The following TEK variants were observed in gnomAD, a reference collection of about 807,000 sequenced individuals.
The protein encoded by TEK is angiopoietin-1 receptor.
TEK carries 43 observed loss-of-function variants against 131.8 expected under a neutral mutation model. The ratio of observed to expected loss-of-function variants is 0.33; its 90% CI spans 0.26 to 0.42. The LOEUF (loss-of-function observed/expected upper bound fraction) is 0.42. TEK is among the 10% of genes least tolerant of loss of function. The pLI is 1.00. For missense variants in TEK, 1,162 were observed against 1,384.4 expected, an observed-to-expected ratio of 0.84 and a Z score of 2.55; for synonymous variants, 580 against 491.6, an observed-to-expected ratio of 1.18 and a Z score of -2.38.
intron 1 of TEK, among the ~76,000 whole-genome samples, chr9:27,153,913 CTGTT>C (rs1823227343): frequency 6.6e-6 from 1 of 152,208 alleles, no homozygotes; most frequent in Admixed American, 6.5e-5. Flanking sequence ...TTCTGAAAGG[CTGTT>C]TGGCTACTTT....
At chr9:27,218,128 A>AGTTGGGG (rs1267459178) in intron 19 of TEK, among the ~76,000 whole-genome samples, 1 of 30,816 alleles carries the variant, frequency 3.2e-5, no homozygotes, top group Non-Finnish European at 5.7e-5. Context: ...AAGGCCAGAC[A>AGTTGGGG]GTGGCGGGGG....
At chr9:27,184,596 T>A (rs1824527948) in intron 8 of TEK, among the ~76,000 whole-genome samples, 1 of 152,160 alleles carries the variant, frequency 6.6e-6, no homozygotes, top group Non-Finnish European at 1.5e-5. Flanking sequence ...TATTGGCTTT[T>A]TCATGAGTTA....
intron 1 of TEK, among the ~76,000 whole-genome samples, chr9:27,123,026 C>T (rs1328030272): frequency 4.4e-5 from 5 of 114,368 alleles, no homozygotes; most frequent in Admixed American, 3.8e-4. Context: ...GCACTCCAGC[C>T]TGGGTGACAG....
Position 27,226,102 on chromosome 9 carries a change from G to C in TEK, c.3201-2104G>C, listed in dbSNP as rs368237988. Reference sequence around the variant, plus strand: ...AATGACAGATGCTGGAGAGGATGTGGAGAAATAGGAATGCTTTTACACTGT... The same window carrying C: ...AATGACAGATGCTGGAGAGGATGTGCAGAAATAGGAATGCTTTTACACTGT... On this transcript the variant is annotated intron_variant, in intron 21 of 22. Coordinates refer to ENST00000380036, the MANE Select transcript of TEK (RefSeq NM_000459.5). 4.6e-5 allele frequency among the ~76,000 whole-genome samples: 7 copies of C among 152,338 alleles called. No individual in the cohort carries two copies. In the East Asian group the frequency reaches 1.2e-3, roughly 25 times the overall value.
chr9:27,117,386 TA>T (rs2131033468), intron 1 of TEK, among the ~76,000 whole-genome samples: 1 of 152,314 alleles, frequency 6.6e-6, no homozygotes, highest in African/African-American at 2.4e-5. Flanking sequence ...TTTGAACTGA[TA>T]ACCCTATTCT....
intron 16 of TEK, among the ~76,000 whole-genome samples, chr9:27,212,305 T>G (rs772179814): frequency 6.6e-6 from 1 of 152,184 alleles, no homozygotes; most frequent in African/African-American, 2.4e-5. Flanking sequence ...TAGAATAACA[T>G]GCCTGGCTCA....
intron 1 of TEK, among the ~76,000 whole-genome samples, chr9:27,132,372 C>T (rs549157936): frequency 6.6e-6 from 1 of 152,260 alleles, no homozygotes; most frequent in South Asian, 2.1e-4. Flanking sequence ...ATTCTTAAAT[C>T]AGTACCAATT....
chr9:27,180,472 T>C, intron 7 of TEK, 104 bp downstream of exon 7: 1 of 1,501,278 alleles, frequency 6.7e-7, no homozygotes, highest in Non-Finnish European at 9.0e-7. Context: ...CAAGCCTCTT[T>C]TGTTTCCATC....
chr9:27,218,394 A>G (rs754914329), intron 19 of TEK, among the ~76,000 whole-genome samples: 12 of 152,066 alleles, frequency 7.9e-5, no homozygotes, highest in Non-Finnish European at 1.5e-4. Flanking sequence ...TATTGTCCCC[A>G]CTTTTGGAAG....
At chr9:27,226,467 A>C (rs1826331529) in intron 21 of TEK, among the ~76,000 whole-genome samples, 1 of 151,330 alleles carries the variant, frequency 6.6e-6, no homozygotes, top group Non-Finnish European at 1.5e-5. Context: ...CATTCTCAGG[A>C]AACTAGCACA....
chr9:27,205,187 A>C, intron 14 of TEK, 122 bp downstream of exon 14: 101 of 1,262,352 alleles, frequency 8.0e-5, no homozygotes, highest in Non-Finnish European at 1.0e-4. Context: ...GGCAAGCCTC[A>C]TCTTCTCTTT....
chr9:27,219,896 G>C (rs942354997), intron 20 of TEK, among the ~76,000 whole-genome samples, 153 bp from the exon 21 acceptor site: 1 of 152,126 alleles, frequency 6.6e-6, no homozygotes, highest in African/African-American at 2.4e-5. Flanking sequence ...CAGCTTTGAT[G>C]TGCAGTGAGT....
At chr9:27,179,795 C>G (rs373137710) in intron 6 of TEK, among the ~76,000 whole-genome samples, 26 of 152,266 alleles carry the variant, frequency 1.7e-4, no homozygotes, top group African/African-American at 4.6e-4. Flanking sequence ...GTTTTCCTGA[C>G]TCTGTCTCTG....
intron 1 of TEK, among the ~76,000 whole-genome samples, chr9:27,147,991 T>C (rs960858441): frequency 6.6e-5 from 10 of 152,228 alleles, no homozygotes; most frequent in Non-Finnish European, 1.3e-4. Context: ...TTTGTCATAG[T>C]CTCCTTTTCT....
At chr9:27,209,937 T>C (rs1366956232) in intron 16 of TEK, among the ~76,000 whole-genome samples, 2 of 152,216 alleles carry the variant, frequency 1.3e-5, no homozygotes, top group African/African-American at 2.4e-5. Flanking sequence ...TAGTTCTGAA[T>C]CTCTGCTTAA....
At chr9:27,153,343 G>C (rs533757210) in intron 1 of TEK, among the ~76,000 whole-genome samples, 31 of 152,298 alleles carry the variant, frequency 2.0e-4, no homozygotes, top group African/African-American at 6.7e-4. Context: ...CCAGCTACTC[G>C]AGAGGCTGAG....
chr9:27,118,789 G>C (rs533457758), intron 1 of TEK, among the ~76,000 whole-genome samples: 1 of 152,206 alleles, frequency 6.6e-6, no homozygotes, highest in South Asian at 2.1e-4. Flanking sequence ...ACAGCAGTTG[G>C]TTCAAACAGA....
Position 27,151,750 on chromosome 9 carries a change from A to G in TEK, c.53-6081A>G, listed in dbSNP as rs114793666. On this transcript the variant is annotated intron_variant, in intron 1 of 22. Transcript: ENST00000380036. ...TATTCACTGCTGTGTCTCCAGGGCCAAGTGCAGTACTGGGCACAGGGGAAG... is the reference window on the plus strand; with the variant it reads ...TATTCACTGCTGTGTCTCCAGGGCCGAGTGCAGTACTGGGCACAGGGGAAG... Among the ~76,000 whole-genome samples the G allele has an allele frequency of 3.2e-3, 481 of 152,352 alleles. 3 individuals carry two copies. The highest frequency in any genetic ancestry group is 0.011 in the African/African-American group (457 of 41,588).
intron 1 of TEK, among the ~76,000 whole-genome samples, chr9:27,113,308 G>A (rs1821417858): frequency 6.6e-6 from 1 of 152,018 alleles, no homozygotes; most frequent in African/African-American, 2.4e-5. Flanking sequence ...AATGAAGCTT[G>A]GGGCCTGGTG....
Sources: gnomAD v4.1 joint callset for allele counts (sites outside exome capture counted in the v4.1 genomes callset) on GRCh38, gnomAD v4.1.1 for gene constraint, MANE v1.5 for transcripts, NCBI Gene and HGNC (gene_info 2026-07-23, HGNC 2026-07-21) for gene names.